The following PRDM1 variants were observed in gnomAD, a reference collection of about 807,000 sequenced individuals.
The protein encoded by PRDM1 is PR/SET domain 1.
PRDM1 carries 13 observed loss-of-function variants against 62.8 expected under a neutral mutation model. That is an observed-to-expected ratio of 0.21 (90% CI 0.13 to 0.33). The LOEUF (loss-of-function observed/expected upper bound fraction) is 0.33. Among genes scored for constraint, PRDM1 ranks in the 10% least tolerant of loss-of-function variants. PRDM1 has a pLI of 1.00. For synonymous variants in PRDM1, 396 were observed against 417.6 expected (o/e 0.95, Z 0.63); for missense variants, 895 against 1,058.8 (o/e 0.85, Z 2.15).
chr6:106,080,587 A>G (rs976601401), intron 1 of PRDM1, among the ~76,000 whole-genome samples: 1 of 152,232 alleles, frequency 6.6e-6, no homozygotes, highest in Non-Finnish European at 1.5e-5. Flanking sequence ...AGAGCCAGGC[A>G]CAAGTAGCAT....
chr6:106,071,511 ATTGC>A (rs1773520726), intron 1 of PRDM1, among the ~76,000 whole-genome samples: 1 of 152,116 alleles, frequency 6.6e-6, no homozygotes, highest in African/African-American at 2.4e-5. Context: ...GGTACTGGAT[ATTGC>A]ATTGCTGTAC....
At chr6:106,060,222 G>A (rs186492641) in intron 1 of PRDM1, among the ~76,000 whole-genome samples, 5 of 152,336 alleles carry the variant, frequency 3.3e-5, no homozygotes, top group Admixed American at 6.5e-5. Flanking sequence ...AGATGTAGTG[G>A]CCAGTGAGGA....
intron 4 of PRDM1, 46 bp from the exon 5 acceptor site, chr6:106,104,779 G>T: frequency 6.5e-7 from 1 of 1,544,426 alleles, no homozygotes; most frequent in Non-Finnish European, 8.7e-7. Flanking sequence ...TTTTGCTTCA[G>T]TTCTCTCTAG....
rs1774408727 is a variant in PRDM1, at chr6:106,104,983, A to G, written c.823A>G (p.Thr275Ala). Residue 275 changes from threonine (T) to alanine (A), a missense_variant, in exon 5 of 7, where the codon ACA (threonine) becomes GCA (alanine). Thr to Ala is a moderately conservative substitution (Grantham distance 58). Around this residue, in one of 4 missense-constraint regions of PRDM1, gnomAD observed 444 missense variants for 422.7 expected, o/e 1.05. Coordinates refer to ENST00000369096, the MANE Select transcript of PRDM1 (RefSeq NM_001198.4). ...CTACCGTTCTAACATTTCACCCCTC[A>G]CATCAGAAAAGGACCTCGATGACTT... ...DLYRSNISPL[T>A]SEKDLDDFRR... The G allele has an allele frequency of 1.9e-6, 3 of 1,613,912 alleles. No individual in the cohort carries two copies. Among genetic ancestry groups the G allele is most frequent in the African/African-American group, 2.7e-5 (2 of 74,858 alleles).
At chr6:106,083,211 G>GT (rs1773722360), upstream of PRDM1, among the ~76,000 whole-genome samples, 1 of 119,576 alleles carries the variant, frequency 8.4e-6, no homozygotes, top group Non-Finnish European at 1.8e-5. Context: ...GGAAATGGGT[G>GT]TGGGGGGTGA....
chr6:106,061,718 G>C (rs1773348354), intron 1 of PRDM1, among the ~76,000 whole-genome samples: 1 of 152,144 alleles, frequency 6.6e-6, no homozygotes, highest in Non-Finnish European at 1.5e-5. Context: ...TTGAGTGATG[G>C]GCTTAAGGCT....
chr6:106,032,754 C>A (rs973002563), intron 1 of PRDM1, among the ~76,000 whole-genome samples: 8 of 152,170 alleles, frequency 5.3e-5, no homozygotes, highest in African/African-American at 1.9e-4. Flanking sequence ...ACCATATTTT[C>A]ATGACAACCC....
intron 1 of PRDM1, among the ~76,000 whole-genome samples, chr6:106,064,589 C>T (rs1221612026): frequency 2.0e-5 from 3 of 152,180 alleles, no homozygotes; most frequent in South Asian, 2.1e-4. Flanking sequence ...CTCAATTTAT[C>T]TTGACCTCTA....
At chr6:106,045,294 A>C (rs1434235983), upstream of PRDM1, 1 of 152,078 alleles carries the variant, frequency 6.6e-6, no homozygotes, top group Non-Finnish European at 1.5e-5. Context: ...AGAATGCAAA[A>C]CTTGAATTAA....
intron 1 of PRDM1, among the ~76,000 whole-genome samples, chr6:106,041,380 G>A (rs1021887177): frequency 6.6e-6 from 1 of 152,182 alleles, no homozygotes; most frequent in Non-Finnish European, 1.5e-5. Context: ...TGGGACATCT[G>A]TCTCAAATAA....
chr6:106,059,269 A>T lies in PRDM1; in HGVS notation c.-67+10555A>T, dbSNP rs1261160187. 3.3e-5 allele frequency among the ~76,000 whole-genome samples: 5 copies of T among 152,332 alleles called. No individual in the cohort carries two copies. The East Asian group carries it at 9.6e-4, about 29-fold the overall frequency. On this transcript the variant is annotated intron_variant, in intron 1 of 6. Coordinates refer to the PRDM1 transcript ENST00000651185. The stretch of plus-strand genomic sequence containing the variant: ...AGGGAATAGAGAAACAGGCTAGGAC[A>T]CTATTTTAGATAGAGCTCTGTAGAC...
chr6:106,071,601 G>T (rs953698133), intron 1 of PRDM1, among the ~76,000 whole-genome samples: 7 of 152,132 alleles, frequency 4.6e-5, no homozygotes, highest in Admixed American at 6.5e-5. Context: ...GGCACAATTT[G>T]TGTGGCCACA....
intron 1 of PRDM1, among the ~76,000 whole-genome samples, chr6:106,033,082 T>C (rs897489379): frequency 1.4e-5 from 2 of 146,750 alleles, no homozygotes; most frequent in Admixed American, 1.4e-4. Context: ...TTTTTTTTTT[T>C]CAATTTTTAA....
intron 1 of PRDM1, among the ~76,000 whole-genome samples, chr6:106,037,831 G>A (rs372097288): frequency 2.0e-5 from 3 of 151,230 alleles, no homozygotes; most frequent in African/African-American, 7.3e-5. Flanking sequence ...TTGTCTAGTA[G>A]GTCTGCTATC....
intron 1 of PRDM1, among the ~76,000 whole-genome samples, chr6:106,064,742 T>G (rs1773405272): frequency 6.6e-6 from 1 of 152,170 alleles, no homozygotes; most frequent in South Asian, 2.1e-4. Flanking sequence ...GATGCTGAAT[T>G]AAAGCTAGCA....
intron 1 of PRDM1, among the ~76,000 whole-genome samples, chr6:106,000,534 T>TTCCC (rs1444987445): frequency 3.3e-5 from 5 of 152,106 alleles, no homozygotes; most frequent in South Asian, 4.1e-4. Context: ...TCCATCTCTT[T>TTCCC]TCCCTCCCTC....
At chr6:106,034,627 T>TTC (rs759981436) in intron 1 of PRDM1, among the ~76,000 whole-genome samples, 2,493 of 118,032 alleles carry the variant, frequency 0.021, 807 homozygotes, top group Middle Eastern at 0.064. Flanking sequence ...GTCTTTCATG[T>TTC]TCTCTCTCTT....
At chr6:106,019,031 C>T (rs75108117) in intron 1 of PRDM1, among the ~76,000 whole-genome samples, 2,010 of 151,778 alleles carry the variant, frequency 0.013, 16 homozygotes, top group Non-Finnish European at 0.019. Flanking sequence ...GCACTTAGAC[C>T]GAGGCGGGTG....
chr6:106,010,289 T>G lies in PRDM1; in HGVS notation c.-67+16650T>G, dbSNP rs1232933468. 2.6e-5 allele frequency among the ~76,000 whole-genome samples: 4 copies of G among 152,196 alleles called. No individual in the cohort carries two copies. The East Asian group carries it at 5.8e-4, about 22-fold the overall frequency. ...CAGAACCCCTTTTTCAAAGAAAAGC[T>G]TACAATGAATCTTAATAAATAGAAT... On this transcript the variant is annotated intron_variant, in intron 1 of 6. Coordinates refer to the PRDM1 transcript ENST00000652320.
Sources: gnomAD v4.1 joint callset for allele counts (sites outside exome capture counted in the v4.1 genomes callset) on GRCh38, gnomAD v4.1.1 for gene constraint, gnomAD v4.1.1 regional missense constraint, MANE v1.5 for transcripts, NCBI Gene and HGNC (gene_info 2026-07-23, HGNC 2026-07-21) for gene names.